The following TRPC5 variants were observed in gnomAD, a reference collection of about 807,000 sequenced individuals.
TRPC5 encodes the protein short transient receptor potential channel 5.
A neutral mutation model predicts 56.5 loss-of-function variants in TRPC5; 9 were observed. The observed-to-expected ratio is 0.16, with a 90% CI of 0.10 to 0.28. The LOEUF (loss-of-function observed/expected upper bound fraction) is 0.28. Ranked by LOEUF, TRPC5 falls within the 10% of genes least tolerant of loss-of-function variation. The pLI, the probability that TRPC5 is intolerant of heterozygous loss-of-function variation, is 1.00. For missense variants in TRPC5, 469 were observed against 748.9 expected (o/e 0.63, Z 4.36); for synonymous variants, 282 against 278.5 (o/e 1.01, Z -0.13).
chrX:112,039,747 A>G (rs896104086), intron 1 of TRPC5, among the ~76,000 whole-genome samples: 1 of 111,757 alleles, frequency 8.9e-6, no homozygotes, highest in Non-Finnish European at 1.9e-5. Context: ...GGAAAAAAAC[A>G]GGGACAACGA....
At chrX:112,075,435 A>G (rs1930813683) in intron 1 of TRPC5, among the ~76,000 whole-genome samples, 1 of 112,152 alleles carries the variant, frequency 8.9e-6, no homozygotes, top group African/African-American at 3.2e-5. Flanking sequence ...TTAAAACCCC[A>G]TATTTGTAGC....
At position 111,770,949 on chromosome X, in the gene TRPC5, T is replaced by C. The variant is rs1487362406; in HGVS notation, c.*5364A>G. 8.9e-6 allele frequency among the ~76,000 whole-genome samples: 1 copy of C among 112,202 alleles called. No homozygotes were observed. The highest frequency in any genetic ancestry group is 1.9e-5 in the Non-Finnish European group (1 of 53,215). ...ACAGTGCCTTTTGTGTGTATGTATGTAAGCTCCTGGGATGTTAGGTTGCCC... is the reference window on the plus strand; with the variant it reads ...ACAGTGCCTTTTGTGTGTATGTATGCAAGCTCCTGGGATGTTAGGTTGCCC... On this transcript the variant is annotated 3_prime_UTR_variant, in exon 11 of 11. Coordinates refer to ENST00000262839, the MANE Select transcript of TRPC5 (RefSeq NM_012471.3).
intron 1 of TRPC5, among the ~76,000 whole-genome samples, chrX:111,980,085 CAGG>C (rs1928037694): frequency 9.0e-6 from 1 of 111,252 alleles, no homozygotes; most frequent in Non-Finnish European, 1.9e-5. Context: ...TGTTCTTCAA[CAGG>C]TAAATGGATA....
intron 1 of TRPC5, among the ~76,000 whole-genome samples, chrX:111,987,603 G>C (rs1928245946): frequency 9.0e-6 from 1 of 110,759 alleles, no homozygotes; most frequent in Admixed American, 9.7e-5. Flanking sequence ...TTCTTTCTCT[G>C]TCTGGTTTAT....
intron 7 of TRPC5, among the ~76,000 whole-genome samples, chrX:111,808,099 C>G (rs942649293): frequency 1.1e-4 from 12 of 109,941 alleles, no homozygotes; most frequent in Admixed American, 2.9e-4. Flanking sequence ...AGCACTGGCT[C>G]TCACCCAAGG....
chrX:112,054,151 T>C (rs1490869279), intron 1 of TRPC5, among the ~76,000 whole-genome samples: 2 of 111,911 alleles, frequency 1.8e-5, no homozygotes, highest in Non-Finnish European at 3.8e-5. Flanking sequence ...ACAAAGATGT[T>C]ATAACACTTT....
intron 1 of TRPC5, among the ~76,000 whole-genome samples, chrX:111,998,842 T>C (rs919612017): frequency 1.8e-5 from 2 of 112,193 alleles, no homozygotes; most frequent in African/African-American, 6.5e-5. Flanking sequence ...CTGAGTTTGG[T>C]TGGAAAAAAA....
chrX:111,784,667 G>C (rs1569525131), intron 7 of TRPC5, among the ~76,000 whole-genome samples: 1 of 112,264 alleles, frequency 8.9e-6, no homozygotes. Flanking sequence ...CCCTTTCCTA[G>C]CCAAGGGAAG....
At position 111,838,168 on chromosome X, in the gene TRPC5, T is replaced by G. The variant is rs776000541; in HGVS notation, c.1701-3052A>C. The stretch of plus-strand genomic sequence containing the variant: ...GCCTTCAACTCTGCTGATATTCTAG[T>G]CAGGGAAACGTTATGGATAAAATTG... On this transcript the variant is annotated intron_variant, in intron 6 of 10. Transcript: ENST00000262839. 1.1e-3 allele frequency among the ~76,000 whole-genome samples: 127 copies of G among 111,391 alleles called. 1 individual carries two copies. In the Middle Eastern group the frequency reaches 0.033, roughly 29 times the overall value.
intron 3 of TRPC5, among the ~76,000 whole-genome samples, chrX:111,880,869 C>G (rs1924179294): frequency 8.9e-6 from 1 of 112,087 alleles, no homozygotes; most frequent in Non-Finnish European, 1.9e-5. Context: ...CCAAGTATTT[C>G]AGTATCTTAT....
chrX:111,910,130 G>A (rs1409357615), intron 3 of TRPC5, among the ~76,000 whole-genome samples: 1 of 112,160 alleles, frequency 8.9e-6, no homozygotes, highest in East Asian at 2.8e-4. Flanking sequence ...ATTCAGTGGG[G>A]TGAGGACTGT....
At chrX:111,912,999 C>G (rs914853415) in intron 2 of TRPC5, among the ~76,000 whole-genome samples, 187 bp from the exon 3 acceptor site, 2 of 111,849 alleles carry the variant, frequency 1.8e-5, no homozygotes, top group African/African-American at 6.5e-5. Flanking sequence ...AGGCACTATT[C>G]TAAGCACATT....
At chrX:111,778,309 A>T (rs143968087) in intron 10 of TRPC5, among the ~76,000 whole-genome samples, 9,996 of 110,834 alleles carry the variant, frequency 0.09, 1,071 homozygotes, top group African/African-American at 0.3. Flanking sequence ...AAAATTAAAA[A>T]ATATATATAT....
chrX:112,033,218 G>A (rs1205453222), intron 1 of TRPC5, among the ~76,000 whole-genome samples: 1 of 75,794 alleles, frequency 1.3e-5, no homozygotes, highest in African/African-American at 4.9e-5. Flanking sequence ...AGGGACTGTA[G>A]TGGGGTGGGG....
At chrX:112,077,879 T>C (rs994794007) in intron 1 of TRPC5, among the ~76,000 whole-genome samples, 1 of 111,894 alleles carries the variant, frequency 8.9e-6, no homozygotes, top group Non-Finnish European at 1.9e-5. Context: ...ATTTTCTTTG[T>C]TTTAATTTTT....
chrX:111,982,625 T>C, intron 1 of TRPC5, among the ~76,000 whole-genome samples: 2 of 111,904 alleles, frequency 1.8e-5, no homozygotes, highest in Middle Eastern at 9.2e-3. Context: ...GCCAACACCA[T>C]GAGTCCCTTC....
intron 3 of TRPC5, among the ~76,000 whole-genome samples, chrX:111,855,588 G>A (rs1923202033): frequency 8.9e-6 from 1 of 112,269 alleles, no homozygotes; most frequent in Non-Finnish European, 1.9e-5. Flanking sequence ...TTACTGGTAT[G>A]AAACTACCAA....
chrX:111,989,297 G>T (rs759607534), intron 1 of TRPC5, among the ~76,000 whole-genome samples: 1 of 111,641 alleles, frequency 9.0e-6, no homozygotes, highest in South Asian at 3.7e-4. Context: ...GAAATATTTT[G>T]GGCTGAGGCA....
intron 1 of TRPC5, among the ~76,000 whole-genome samples, chrX:112,021,705 A>G (rs938963369): frequency 2.7e-5 from 3 of 112,498 alleles, no homozygotes; most frequent in Non-Finnish European, 5.6e-5. Context: ...ATAATTGAAT[A>G]TACCTGTTCT....
Sources: gnomAD v4.1 joint callset for allele counts (sites outside exome capture counted in the v4.1 genomes callset) on GRCh38, gnomAD v4.1.1 for gene constraint, MANE v1.5 for transcripts, NCBI Gene and HGNC (gene_info 2026-07-23, HGNC 2026-07-21) for gene names.